The following HTT variants were observed in gnomAD, a reference collection of about 807,000 sequenced individuals.
HTT encodes the protein huntington disease protein.
A neutral mutation model predicts 362.3 loss-of-function variants in HTT; 104 were observed. The ratio of observed to expected loss-of-function variants is 0.29; its 90% CI spans 0.24 to 0.34. The LOEUF (loss-of-function observed/expected upper bound fraction) is 0.34. HTT is among the 10% of genes least tolerant of loss of function. HTT has a pLI of 1.00. For synonymous variants in HTT, 1,577 were observed against 1,548.7 expected (o/e 1.02, Z -0.43); for missense variants, 3,301 against 3,928.6 (o/e 0.84, Z 4.27).
rs374030445 is a variant in HTT at position 3,134,491 on chromosome 4, T to C, written c.2584T>C (p.Trp862Arg). ...GCTGACTCTGAGGAACAGTTCCTAT[T>C]GGCTGGTGAGGACAGAGCTTCTGGA... ...DVLTLRNSSYWLVRTELLETL... is the reference protein window; with the variant it reads ...DVLTLRNSSYRLVRTELLETL... The change falls in exon 19 of 67, where the codon TGG becomes CGG. Residue 862 changes from tryptophan to arginine, a missense_variant. By Grantham distance (101) the Trp-to-Arg change is moderately radical (BLOSUM62 -3). This residue lies in a region of HTT where 2,316 missense variants were observed against 2,658.5 expected (regional missense o/e 0.87). Coordinates refer to ENST00000355072, the MANE Select transcript of HTT (RefSeq NM_001388492.1). The C allele has an allele frequency of 6.2e-7, 1 of 1,614,058 alleles. No homozygotes were observed. The highest frequency in any genetic ancestry group is 8.5e-7 in the Non-Finnish European group (1 of 1,179,928).
At chr4:3,197,246 T>C (rs1719295430) in intron 40 of HTT, among the ~76,000 whole-genome samples, 1 of 152,132 alleles carries the variant, frequency 6.6e-6, no homozygotes, top group Admixed American at 6.5e-5. Context: ...TGACCTTGGC[T>C]GTTGCTCTCA....
rs750594536 is a variant in HTT, at chr4:3,174,790, T to G, written c.4236T>G (p.Arg1412=). ...KTNLTSVTKN[R]ADKNAIHNHI... is the part of the protein sequence containing the mutation. Reference sequence around the variant, plus strand: ...ACCTCACGAGTGTCACAAAGAACCGTGCAGATAAGGTAAATGGTGCCGTTT... The same window carrying G: ...ACCTCACGAGTGTCACAAAGAACCGGGCAGATAAGGTAAATGGTGCCGTTT... Residue 1412 remains arginine (R), a synonymous_variant, in exon 32 of 67, where the codon CGT becomes CGG. Coordinates refer to ENST00000355072, the MANE Select transcript of HTT (RefSeq NM_001388492.1). 2 of 1,614,084 alleles carry G rather than the reference T, an allele frequency of 1.2e-6. No homozygotes were observed. The highest frequency in any genetic ancestry group is 4.5e-5 in the East Asian group (2 of 44,882).
At chr4:3,161,810 T>G (rs1421930082) in intron 29 of HTT, among the ~76,000 whole-genome samples, 1 of 152,242 alleles carries the variant, frequency 6.6e-6, no homozygotes, top group Admixed American at 6.5e-5. Context: ...TCTTTGTAGA[T>G]TCTGGATGTT....
chr4:3,083,528 T>TAC (rs1270506755), intron 1 of HTT, among the ~76,000 whole-genome samples: 39 of 83,922 alleles, frequency 4.6e-4, no homozygotes, highest in Admixed American at 5.1e-4. Context: ...TGTCTCTAAA[T>TAC]ATACACACAC....
intron 15 of HTT, 99 bp from the exon 16 acceptor site, chr4:3,131,539 G>A: frequency 1.3e-6 from 2 of 1,536,832 alleles, no homozygotes; most frequent in Middle Eastern, 1.7e-4. Context: ...AGGGGAGGGA[G>A]GAAATGATGG....
intron 14 of HTT, 126 bp downstream of exon 14, chr4:3,130,549 CA>C (rs780649683): frequency 1.2e-4 from 69 of 591,242 alleles, no homozygotes; most frequent in Non-Finnish European, 1.9e-4. Flanking sequence ...CTTTAAATAC[CA>C]GCTCTTCCCA....
chr4:3,095,728 A>C (rs1373474145), intron 2 of HTT, among the ~76,000 whole-genome samples: 1 of 152,264 alleles, frequency 6.6e-6, no homozygotes, highest in Non-Finnish European at 1.5e-5. Context: ...ATGAAGATAC[A>C]TAGTATAAAC....
chr4:3,082,799 C>T (rs1712985422), intron 1 of HTT, among the ~76,000 whole-genome samples: 1 of 152,108 alleles, frequency 6.6e-6, no homozygotes, highest in Non-Finnish European at 1.5e-5. Context: ...TTGAGCATTT[C>T]TGTAGCTGTG....
At chr4:3,148,859 A>G (rs1716742894) in intron 26 of HTT, among the ~76,000 whole-genome samples, 1 of 152,138 alleles carries the variant, frequency 6.6e-6, no homozygotes, top group East Asian at 1.9e-4. Flanking sequence ...TGGGAGGCTG[A>G]GGCAAGAGAG....
chr4:3,219,766 T>C (rs747088459), intron 52 of HTT, among the ~76,000 whole-genome samples: 2 of 152,222 alleles, frequency 1.3e-5, no homozygotes, highest in Non-Finnish European at 2.9e-5. Context: ...CTTCAGAGTT[T>C]ACAGAAATAA....
At chr4:3,189,196 G>A in intron 40 of HTT, 103 bp downstream of exon 40, 1 of 1,137,290 alleles carries the variant, frequency 8.8e-7, no homozygotes, top group Non-Finnish European at 1.3e-6. Context: ...ACTCTGCCTT[G>A]CCCAGTGTGC....
chr4:3,138,180 CGCCT>C (rs57466122), intron 21 of HTT, among the ~76,000 whole-genome samples: 8,211 of 126,050 alleles, frequency 0.065, 637 homozygotes, highest in African/African-American at 0.24. Flanking sequence ...TTCCCCTTCC[CGCCT>C]GCCTGCCTGC....
At chr4:3,181,263 T>G (rs1261149879) in intron 36 of HTT, among the ~76,000 whole-genome samples, 1 of 152,208 alleles carries the variant, frequency 6.6e-6, no homozygotes, top group Non-Finnish European at 1.5e-5. Context: ...TTCAAGATAG[T>G]GAGGCCCTCT....
At chr4:3,153,897 C>T (rs1260230425) in intron 26 of HTT, among the ~76,000 whole-genome samples, 3 of 151,880 alleles carry the variant, frequency 2.0e-5, no homozygotes, top group East Asian at 1.9e-4. Context: ...TCCTGGGTGA[C>T]GAGTGAGACC....
chr4:3,076,388 A>G (rs1712552642), intron 1 of HTT, among the ~76,000 whole-genome samples: 1 of 152,126 alleles, frequency 6.6e-6, no homozygotes, highest in African/African-American at 2.4e-5. Context: ...ATTTTTAGTA[A>G]TATTTCTTGT....
intron 1 of HTT, 133 bp downstream of exon 1, chr4:3,075,221 A>G: frequency 3.4e-6 from 3 of 888,114 alleles, no homozygotes; most frequent in Non-Finnish European, 4.3e-6. Flanking sequence ...CCAGCAACCC[A>G]GAGCCCATGA....
intron 2 of HTT, among the ~76,000 whole-genome samples, chr4:3,091,473 A>G (rs1161999174): frequency 6.6e-6 from 1 of 152,258 alleles, no homozygotes; most frequent in Non-Finnish European, 1.5e-5. Flanking sequence ...ATATAGTTCA[A>G]TATGTCAAAA....
At position 3,207,304 on chromosome 4, in the gene HTT, G is replaced by A; in HGVS notation, c.6099G>A (p.Met2033Ile). The change falls in exon 45 of 67, where the codon ATG becomes ATA. Residue 2033 changes from methionine (M) to isoleucine (I), a missense_variant. Physicochemically the swap from Met to Ile is conservative, Grantham distance 10. Coordinates refer to ENST00000355072, the MANE Select transcript of HTT (RefSeq NM_001388492.1). The stretch of plus-strand genomic sequence containing the variant: ...AGAGCAGCATGGCCCAGTTGCCAAT[G>A]GAAGAACTCAACAGAATCCAGGAAT... ...NLQSSMAQLPMEELNRIQEYL... is the reference protein window; with the variant it reads ...NLQSSMAQLPIEELNRIQEYL... 1 of 1,613,890 alleles carries A rather than the reference G, an allele frequency of 6.2e-7. No homozygotes were observed.
In HTT at chr4:3,146,873, C is replaced by T; in HGVS notation, c.3220C>T (p.Leu1074Phe). 2 of 1,614,066 alleles carry T rather than the reference C, an allele frequency of 1.2e-6. No individual in the cohort carries two copies. The highest frequency in any genetic ancestry group is 1.7e-6 in the Non-Finnish European group (2 of 1,179,934). Residue 1074 changes from leucine (L) to phenylalanine (F), a missense_variant, in exon 25 of 67, where the codon CTC becomes TTC. Leu to Phe is a conservative substitution (Grantham distance 22). This residue lies in a region of HTT where 2,316 missense variants were observed against 2,658.5 expected (regional missense o/e 0.87). Transcript: ENST00000355072. Reference sequence around the variant, plus strand: ...GATGGCCACAATGATTCTGACCCTGCTCTCGTCAGCTTGGTTCCCATTGGA... The same window carrying T: ...GATGGCCACAATGATTCTGACCCTGTTCTCGTCAGCTTGGTTCCCATTGGA... ...VGMATMILTL[L>F]SSAWFPLDLS...
Sources: allele counts gnomAD v4.1 joint callset (sites outside exome capture counted in the v4.1 genomes callset), GRCh38; gene constraint gnomAD v4.1.1; regional missense constraint gnomAD v4.1.1; transcripts MANE v1.5; gene names NCBI Gene and HGNC (gene_info 2026-07-23, HGNC 2026-07-21).